Variants in BACH2 observed in about 807,000 individuals in gnomAD.
BACH2 encodes transcription regulator protein BACH2.
BACH2 carries 5 observed loss-of-function variants against 61.8 expected under a neutral mutation model. The ratio of observed to expected loss-of-function variants is 0.08; its 90% CI spans 0.04 to 0.17. The LOEUF is 0.17. Among genes scored for constraint, BACH2 ranks in the 10% least tolerant of loss-of-function variants. The probability of loss-of-function intolerance (pLI) is 1.00; values close to 1 mark genes in which losing one functional copy is unlikely to be tolerated. For missense variants in BACH2, 824 were observed against 1,091.1 expected (o/e 0.76, Z 3.45); for synonymous variants, 446 against 440.1 (o/e 1.01, Z -0.17).
intron 4 of BACH2, among the ~76,000 whole-genome samples, chr6:90,160,857 G>A (rs1310055531): frequency 3.3e-5 from 5 of 152,078 alleles, no homozygotes; most frequent in South Asian, 2.1e-4. Context: ...TTGGGAGGCC[G>A]AGGCCGGTGG....
At position 90,049,076 on chromosome 6, in the gene BACH2, T is replaced by A. The variant is rs144536084; in HGVS notation, c.-13+39885A>T. Among the ~76,000 whole-genome samples, 14 of 152,272 alleles carry A rather than the reference T, an allele frequency of 9.2e-5. No homozygotes were observed. In the East Asian group the frequency reaches 2.5e-3, roughly 27 times the overall value. On this transcript the variant is annotated intron_variant, in intron 5 of 8. Transcript: ENST00000257749. ...ATAGCTAGTTGCAGCTATGAGGCCA[T>A]CTGATGAGAAATGATGAAAAACCAA...
chr6:89,938,072 C>G, intron 8 of BACH2, 72 bp downstream of exon 8: 1 of 1,458,724 alleles, frequency 6.9e-7, no homozygotes, highest in South Asian at 1.2e-5. Flanking sequence ...ACTTTTCCAA[C>G]TTTCATTGCT....
intron 4 of BACH2, among the ~76,000 whole-genome samples, chr6:90,186,713 T>C (rs982464724): frequency 1.3e-5 from 2 of 152,178 alleles, no homozygotes; most frequent in African/African-American, 4.8e-5. Context: ...ATTTACCAAG[T>C]GCTCTCAGCA....
chr6:90,231,127 T>C (rs1380408722), intron 3 of BACH2, among the ~76,000 whole-genome samples: 2 of 152,206 alleles, frequency 1.3e-5, no homozygotes, highest in Admixed American at 6.5e-5. Context: ...CTGTGGTTTG[T>C]TTGTGGCCAA....
At chr6:90,094,782 T>G (rs1782314529) in intron 4 of BACH2, among the ~76,000 whole-genome samples, 2 of 152,180 alleles carry the variant, frequency 1.3e-5, no homozygotes, top group Admixed American at 1.3e-4. Context: ...CTTTCGAGCT[T>G]CACCATGCCA....
chr6:89,975,096 C>T (rs766200656), intron 6 of BACH2, among the ~76,000 whole-genome samples: 6 of 152,152 alleles, frequency 3.9e-5, no homozygotes, highest in Admixed American at 6.5e-5. Flanking sequence ...TTGGCTTGCA[C>T]TATCCATTGA....
chr6:90,191,713 G>GA (rs1482461355), intron 4 of BACH2, among the ~76,000 whole-genome samples: 1 of 152,172 alleles, frequency 6.6e-6, no homozygotes, highest in Admixed American at 6.5e-5. Context: ...AATTGGGTTT[G>GA]AAAATTAGCA....
intron 3 of BACH2, among the ~76,000 whole-genome samples, chr6:90,212,691 T>C (rs1003008143): frequency 1.3e-5 from 2 of 152,192 alleles, no homozygotes; most frequent in African/African-American, 4.8e-5. Context: ...TGAAAATGAA[T>C]GTTCTGAAAT....
intron 3 of BACH2, among the ~76,000 whole-genome samples, chr6:90,219,596 G>A (rs1769667195): frequency 6.6e-6 from 1 of 152,162 alleles, no homozygotes; most frequent in African/African-American, 2.4e-5. Context: ...CAGCTGTATT[G>A]TAAACACGCC....
chr6:89,941,075 G>C (rs1206842625), intron 7 of BACH2, among the ~76,000 whole-genome samples: 2 of 152,058 alleles, frequency 1.3e-5, no homozygotes, highest in East Asian at 3.9e-4. Context: ...AATGCTCTTG[G>C]GTGAAGAAAC....
intron 3 of BACH2, among the ~76,000 whole-genome samples, chr6:90,227,273 C>T (rs929563070): frequency 3.3e-5 from 5 of 152,322 alleles, no homozygotes; most frequent in East Asian, 1.9e-4. Flanking sequence ...CGCATTCTCC[C>T]GTCTGCATGA....
chr6:89,997,183 G>C (rs1020633041), intron 6 of BACH2, among the ~76,000 whole-genome samples: 1 of 152,068 alleles, frequency 6.6e-6, no homozygotes, highest in South Asian at 2.1e-4. Context: ...TGAGACATCT[G>C]GTCAACATCT....
At chr6:90,025,592 G>T (rs1168605411) in intron 5 of BACH2, among the ~76,000 whole-genome samples, 2 of 152,124 alleles carry the variant, frequency 1.3e-5, no homozygotes, top group Non-Finnish European at 1.5e-5. Context: ...TTCTCTCCCA[G>T]TGTCCCCTTC....
Position 90,279,386 on chromosome 6 carries a change from G to A in BACH2, c.-445-7445C>T, listed in dbSNP as rs148745221. 5.4e-3 allele frequency among the ~76,000 whole-genome samples: 819 copies of A among 152,102 alleles called. 7 individuals are homozygous for A. The highest frequency in any genetic ancestry group is 0.019 in the African/African-American group (780 of 41,490). ...AAAAATACAAAAATTAGCTGGGCAC[G>A]GCAGCACATGCCTGTAATCGCAGCC... On this transcript the variant is annotated intron_variant, in intron 1 of 8. Transcript: ENST00000257749.
intron 5 of BACH2, among the ~76,000 whole-genome samples, chr6:90,085,069 C>G (rs1039882908): frequency 6.6e-6 from 1 of 152,138 alleles, no homozygotes; most frequent in Non-Finnish European, 1.5e-5. Flanking sequence ...AATGGACTAA[C>G]CTAGTGAGTT....
At chr6:90,097,202 C>G (rs1782415174) in intron 4 of BACH2, among the ~76,000 whole-genome samples, 1 of 152,220 alleles carries the variant, frequency 6.6e-6, no homozygotes, top group Non-Finnish European at 1.5e-5. Flanking sequence ...GCAGCAAAAG[C>G]TGCTGTGTGT....
intron 4 of BACH2, among the ~76,000 whole-genome samples, chr6:90,112,773 C>T (rs182201603): frequency 6.4e-4 from 98 of 152,244 alleles, no homozygotes; most frequent in African/African-American, 2.1e-3. Context: ...TGAATGTAAA[C>T]GAGCTAAATG....
chr6:89,938,787 T>C (rs1773190147), intron 7 of BACH2, among the ~76,000 whole-genome samples: 1 of 152,214 alleles, frequency 6.6e-6, no homozygotes, highest in Non-Finnish European at 1.5e-5. Flanking sequence ...CTGAAAATGC[T>C]GGAGACACAA....
At chr6:90,100,220 G>C (rs1782555381) in intron 4 of BACH2, among the ~76,000 whole-genome samples, 1 of 152,136 alleles carries the variant, frequency 6.6e-6, no homozygotes, top group Non-Finnish European at 1.5e-5. Flanking sequence ...TAGCTATTAT[G>C]AATAATGCTG....
Sources: allele counts gnomAD v4.1 joint callset (sites outside exome capture counted in the v4.1 genomes callset), GRCh38; gene constraint gnomAD v4.1.1; transcripts MANE v1.5; gene names NCBI Gene and HGNC (gene_info 2026-07-23, HGNC 2026-07-21).